Variants in NCOA1 observed in about 807,000 individuals in gnomAD.
NCOA1 encodes nuclear receptor coactivator 1.
A neutral mutation model predicts 150.9 loss-of-function variants in NCOA1; 35 were observed. The observed-to-expected ratio is 0.23, with a 90% CI of 0.18 to 0.31. NCOA1 has a LOEUF of 0.31. NCOA1 is among the 10% of genes least tolerant of loss of function. The pLI is 1.00. For synonymous variants in NCOA1, 590 were observed against 630.0 expected, an observed-to-expected ratio of 0.94 and a Z score of 0.95; for missense variants, 1,491 against 1,749.3, an observed-to-expected ratio of 0.85 and a Z score of 2.63.
intron 1 of NCOA1, among the ~76,000 whole-genome samples, chr2:24,534,227 G>A (rs1177782916): frequency 6.6e-6 from 1 of 152,150 alleles, no homozygotes; most frequent in African/African-American, 2.4e-5. Context: ...TAGTTTATTT[G>A]TGTAGAGGTG....
intron 14 of NCOA1, among the ~76,000 whole-genome samples, chr2:24,720,540 G>A (rs901122844): frequency 2.0e-5 from 3 of 152,150 alleles, no homozygotes; most frequent in African/African-American, 7.2e-5. Context: ...CAAAGGCCAA[G>A]AGCATAGAGG....
chr2:24,577,901 GTTATGCT>G (rs1414681345), intron 2 of NCOA1, among the ~76,000 whole-genome samples: 1 of 152,108 alleles, frequency 6.6e-6, no homozygotes, highest in Non-Finnish European at 1.5e-5. Flanking sequence ...TTTCAAGCAA[GTTATGCT>G]TTCAAATTTA....
At chr2:24,618,308 T>C (rs923903446) in intron 3 of NCOA1, among the ~76,000 whole-genome samples, 1 of 152,220 alleles carries the variant, frequency 6.6e-6, no homozygotes, top group African/African-American at 2.4e-5. Flanking sequence ...CCTCTTGACT[T>C]TGCTGCTCAG....
chr2:24,645,441 C>T (rs1367502176), intron 4 of NCOA1, among the ~76,000 whole-genome samples: 2 of 145,318 alleles, frequency 1.4e-5, no homozygotes, highest in Non-Finnish European at 1.5e-5. Flanking sequence ...ACCTGGGAGG[C>T]GGAGCTTGCA....
At chr2:24,643,251 T>C (rs1670311276) in intron 3 of NCOA1, among the ~76,000 whole-genome samples, 1 of 152,202 alleles carries the variant, frequency 6.6e-6, no homozygotes, top group African/African-American at 2.4e-5. Flanking sequence ...CTAGCCTCTC[T>C]GCACTTAAGT....
At chr2:24,758,300 G>C in intron 21 of NCOA1, 144 bp downstream of exon 21, 1 of 482,120 alleles carries the variant, frequency 2.1e-6, no homozygotes, top group Non-Finnish European at 3.2e-6. Context: ...TGGCTCTTAA[G>C]ATATACAATG....
Position 24,707,164 on chromosome 2 carries a change from G to A in NCOA1, c.1694G>A (p.Ser565Asn), listed in dbSNP as rs889784030. Residue 565 changes from serine (S) to asparagine (N), a missense_variant, in exon 13 of 23, where the codon AGC (serine) becomes AAC (asparagine). Ser to Asn is a conservative substitution (Grantham distance 46, BLOSUM62 1). Around this residue, in one of 8 missense-constraint regions of NCOA1, gnomAD observed 703 missense variants for 717.7 expected, o/e 0.98. Coordinates refer to ENST00000348332, the MANE Select transcript of NCOA1 (RefSeq NM_003743.5). ...SASSPVLRQM[S>N]SQNSPSRLNI... is the part of the protein sequence containing the mutation. Reference sequence around the variant, plus strand: ...AGTTCTCCAGTCCTCAGGCAGATGAGCTCACAGAATTCACCTAGCAGATTA... The same window carrying A: ...AGTTCTCCAGTCCTCAGGCAGATGAACTCACAGAATTCACCTAGCAGATTA... 1.9e-6 allele frequency: 3 copies of A among 1,614,082 alleles called. No homozygotes were observed. Among genetic ancestry groups the A allele is most frequent in the South Asian group, 1.1e-5 (1 of 91,080 alleles).
chr2:24,625,534 T>C (rs576751721), intron 3 of NCOA1, among the ~76,000 whole-genome samples: 1 of 152,306 alleles, frequency 6.6e-6, no homozygotes, highest in East Asian at 1.9e-4. Flanking sequence ...ATTATCTTCT[T>C]TCTTTTACTT....
intron 5 of NCOA1, 110 bp from the exon 6 acceptor site, chr2:24,665,639 A>G (rs1184027707): frequency 8.6e-6 from 8 of 928,440 alleles, no homozygotes; most frequent in Non-Finnish European, 1.2e-5. Context: ...CTGGTTTTAT[A>G]TTTTCGATAA....
intron 1 of NCOA1, among the ~76,000 whole-genome samples, chr2:24,541,050 C>A (rs1381041826): frequency 6.6e-6 from 1 of 152,102 alleles, no homozygotes; most frequent in Non-Finnish European, 1.5e-5. Flanking sequence ...GCTTGTGAGA[C>A]AACCACACGA....
intron 5 of NCOA1, 139 bp downstream of exon 5, chr2:24,658,905 C>T (rs1245123746): frequency 1.4e-6 from 1 of 736,690 alleles, no homozygotes; most frequent in Non-Finnish European, 2.2e-6. Flanking sequence ...TCTTCCTTCC[C>T]CCAGGGTCTT....
chr2:24,693,991 G>T (rs1672784439), intron 10 of NCOA1, among the ~76,000 whole-genome samples: 1 of 152,128 alleles, frequency 6.6e-6, no homozygotes, highest in African/African-American at 2.4e-5. Context: ...TTAAAGTATG[G>T]GTCTTGGAAG....
At chr2:24,548,892 G>A in intron 1 of NCOA1, among the ~76,000 whole-genome samples, 1 of 152,176 alleles carries the variant, frequency 6.6e-6, no homozygotes. Flanking sequence ...CTGGCGTTGA[G>A]TGCCTGCAAC....
At chr2:24,591,157 TA>T (rs1667641026) in intron 3 of NCOA1, among the ~76,000 whole-genome samples, 2 of 152,212 alleles carry the variant, frequency 1.3e-5, no homozygotes, top group African/African-American at 4.8e-5. Flanking sequence ...AGGAAGACCT[TA>T]ATATATAATC....
intron 1 of NCOA1, among the ~76,000 whole-genome samples, chr2:24,527,032 A>C (rs1251184205): frequency 6.6e-6 from 1 of 152,182 alleles, no homozygotes; most frequent in Non-Finnish European, 1.5e-5. Context: ...GAGCATTCTC[A>C]TAATTTGGTA....
Position 24,707,567 on chromosome 2 carries a change from C to T in NCOA1, c.2097C>T (p.Pro699=). Residue 699 remains proline (P), a synonymous_variant, in exon 13 of 23, where the codon CCC becomes CCT. Coordinates refer to ENST00000348332, the MANE Select transcript of NCOA1 (RefSeq NM_003743.5). ...ACCGGCTCTTACAGGAGGGTAGCCCCTCAGATATCACCACTTTGTCTGTCG... is the reference window on the plus strand; with the variant it reads ...ACCGGCTCTTACAGGAGGGTAGCCCTTCAGATATCACCACTTTGTCTGTCG... The part of the protein sequence containing the change: ...ILHRLLQEGS[P]SDITTLSVEP... 6.2e-7 allele frequency: 1 copy of T among 1,614,208 alleles called. No homozygotes were observed. Among genetic ancestry groups the T allele is most frequent in the South Asian group, 1.1e-5 (1 of 91,084 alleles).
chr2:24,723,561 A>G (rs1301213292), intron 14 of NCOA1, among the ~76,000 whole-genome samples: 1 of 152,198 alleles, frequency 6.6e-6, no homozygotes, highest in Non-Finnish European at 1.5e-5. Context: ...ATCCTTGCCA[A>G]TACATTGAAT....
intron 4 of NCOA1, among the ~76,000 whole-genome samples, chr2:24,648,403 G>C (rs1453945979): frequency 6.6e-6 from 1 of 152,004 alleles, no homozygotes; most frequent in East Asian, 1.9e-4. Flanking sequence ...CTTCCAAGTA[G>C]CTGGGATTAC....
At chr2:24,664,788 C>T (rs1250252484) in intron 5 of NCOA1, among the ~76,000 whole-genome samples, 3 of 152,090 alleles carry the variant, frequency 2.0e-5, no homozygotes, top group Admixed American at 6.6e-5. Context: ...TGATCTTCCC[C>T]TCTTCTGTCC....
Sources: allele counts gnomAD v4.1 joint callset (sites outside exome capture counted in the v4.1 genomes callset), GRCh38; gene constraint gnomAD v4.1.1; regional missense constraint gnomAD v4.1.1; transcripts MANE v1.5; gene names NCBI Gene and HGNC (gene_info 2026-07-23, HGNC 2026-07-21).